The following PIK3C3 variants were observed in gnomAD, a reference collection of about 807,000 sequenced individuals.
The protein encoded by PIK3C3 is PI3-kinase type 3.
In PIK3C3, 95 loss-of-function variants were observed where a neutral mutation model predicts 126.1. The ratio of observed to expected loss-of-function variants is 0.75; its 90% CI spans 0.64 to 0.89. PIK3C3 has a LOEUF of 0.89. Among genes scored for constraint, PIK3C3 ranks in the 40% least tolerant of loss-of-function variants. The pLI is 0.00. For synonymous variants in PIK3C3, 374 were observed against 360.0 expected, an observed-to-expected ratio of 1.04 and a Z score of -0.44; for missense variants, 829 against 1,063.2, an observed-to-expected ratio of 0.78 and a Z score of 3.06.
chr18:41,969,063 C>T (rs2144309020), intron 3 of PIK3C3, among the ~76,000 whole-genome samples: 1 of 151,958 alleles, frequency 6.6e-6, no homozygotes, highest in East Asian at 1.9e-4. Context: ...AAGTGGTCTG[C>T]CTGCCTCAGC....
intron 22 of PIK3C3, among the ~76,000 whole-genome samples, chr18:42,058,601 T>C (rs981356675): frequency 1.3e-5 from 2 of 152,248 alleles, no homozygotes; most frequent in African/African-American, 4.8e-5. Context: ...AAATGTTAAA[T>C]ATGATTTTTA....
At chr18:42,080,701 A>G (rs978258355) in intron 24 of PIK3C3, among the ~76,000 whole-genome samples, 1 of 152,174 alleles carries the variant, frequency 6.6e-6, no homozygotes, top group Non-Finnish European at 1.5e-5. Context: ...TCTGGAATGA[A>G]GTAGTTGCAC....
intron 24 of PIK3C3, among the ~76,000 whole-genome samples, chr18:42,068,989 G>C (rs114939843): frequency 0.011 from 1,587 of 150,956 alleles, 21 homozygotes; most frequent in African/African-American, 0.036. Flanking sequence ...TTTAGATTCC[G>C]TTATAACTCT....
chr18:42,049,507 T>G (rs772288378), intron 20 of PIK3C3, 24 bp from the exon 21 acceptor site: 1 of 1,588,360 alleles, frequency 6.3e-7, no homozygotes, highest in Admixed American at 1.7e-5. Flanking sequence ...TGTTTTCACA[T>G]ATTTTTTTTA....
intron 12 of PIK3C3, among the ~76,000 whole-genome samples, chr18:42,017,442 G>C (rs1214228618): frequency 6.6e-6 from 1 of 152,100 alleles, no homozygotes; most frequent in Non-Finnish European, 1.5e-5. Context: ...GTTGGGTATA[G>C]CATTATACAT....
At chr18:41,955,732 A>G (rs1979736841) in intron 1 of PIK3C3, among the ~76,000 whole-genome samples, 1 of 152,186 alleles carries the variant, frequency 6.6e-6, no homozygotes, top group Non-Finnish European at 1.5e-5. Flanking sequence ...CGGGGCTTGT[A>G]GGGTGGAATG....
rs1280258087 is a variant in PIK3C3, at chr18:41,987,891, T to A, written c.611T>A (p.Ile204Lys). The change falls in exon 5 of 25, where the codon ATA becomes AAA. Residue 204 changes from isoleucine (I) to lysine (K), a missense_variant. Around this residue, in one of 4 missense-constraint regions of PIK3C3, gnomAD observed 313 missense variants for 340.7 expected, o/e 0.92. Transcript: ENST00000262039. Reference sequence around the variant, plus strand: ...TTGACATTTAGAGAAATAGAAATGATAAATGAGGTGGGTTATATCACTCTT... The same window carrying A: ...TTGACATTTAGAGAAATAGAAATGAAAAATGAGGTGGGTTATATCACTCTT... ...DRLTFREIEM[I>K]NESEKRSSNF... is the part of the protein sequence containing the mutation. 1 of 1,561,976 alleles carries A rather than the reference T, an allele frequency of 6.4e-7. No homozygotes were observed. The highest frequency in any genetic ancestry group is 1.2e-5 in the South Asian group (1 of 86,612).
At chr18:41,986,397 G>A (rs958794226) in intron 4 of PIK3C3, among the ~76,000 whole-genome samples, 1 of 152,018 alleles carries the variant, frequency 6.6e-6, no homozygotes, top group East Asian at 1.9e-4. Flanking sequence ...AGCATATTGC[G>A]AAGTGAGTAA....
At chr18:41,985,989 C>T (rs1007021715) in intron 4 of PIK3C3, among the ~76,000 whole-genome samples, 2 of 152,080 alleles carry the variant, frequency 1.3e-5, no homozygotes, top group Non-Finnish European at 2.9e-5. Context: ...AGGAAATTAG[C>T]AGTGGATCAA....
Position 42,067,448 on chromosome 18 carries a change from CTGAT to C in PIK3C3, c.2589_2592del (p.Ile863MetfsTer37), listed in dbSNP as rs1163124696. 6.2e-7 allele frequency: 1 copy of C among 1,613,876 alleles called. No individual in the cohort carries two copies. The highest frequency in any genetic ancestry group is 8.5e-7 in the Non-Finnish European group (1 of 1,179,884). The stretch of plus-strand genomic sequence containing the variant: ...AGAGGCTGTGCATTACATGCAGAGT[CTGAT>C]TGATGAGAGTGTCCATGCTCTTTTT... On this transcript the variant is annotated frameshift_variant, in exon 24 of 25. Transcript: ENST00000262039. LOFTEE classifies it high-confidence loss of function.
chr18:42,033,831 G>A lies in PIK3C3; in HGVS notation c.1713G>A (p.Glu571=). Residue 571 remains glutamate, a synonymous_variant, in exon 16 of 25, where the codon GAG becomes GAA. Coordinates refer to ENST00000262039, the MANE Select transcript of PIK3C3 (RefSeq NM_002647.4). ...RESGNRKKKN[E]RLQALLGDNE... is the part of the protein sequence containing the mutation. ...TCCTTTCTGATTTGTTCTAGAATGA[G>A]AGACTACAGGCATTGCTTGGAGATA... 2 of 1,598,186 alleles carry A rather than the reference G, an allele frequency of 1.3e-6. No homozygotes were observed. Among genetic ancestry groups the A allele is most frequent in the Non-Finnish European group, 1.7e-6 (2 of 1,171,268 alleles).
chr18:42,057,104 G>A (rs500086), intron 21 of PIK3C3, among the ~76,000 whole-genome samples: 72,348 of 145,054 alleles, frequency 0.5, 19,262 homozygotes, highest in African/African-American at 0.71. Flanking sequence ...TATGTACAAC[G>A]TGAAACCTCA....
intron 20 of PIK3C3, among the ~76,000 whole-genome samples, chr18:42,048,301 C>T (rs1351046420): frequency 1.3e-5 from 2 of 152,164 alleles, no homozygotes; most frequent in African/African-American, 2.4e-5. Context: ...TTGCCCTTTT[C>T]CTTATGGTCT....
intron 10 of PIK3C3, among the ~76,000 whole-genome samples, chr18:42,006,263 C>T (rs1287758648): frequency 1.3e-5 from 2 of 151,316 alleles, no homozygotes; most frequent in Non-Finnish European, 2.9e-5. Context: ...GCTTCTGTCC[C>T]CATGGAGTTT....
In PIK3C3 at chr18:42,013,719, G is replaced by C; in HGVS notation, c.1325+123G>C. 3 of 698,336 alleles carry C rather than the reference G, an allele frequency of 4.3e-6. No individual in the cohort carries two copies. In the East Asian group the frequency reaches 8.3e-5, roughly 19 times the overall value. 43.3% of individuals were successfully genotyped at this position (698,336 alleles called of 1,614,324 possible). On this transcript the variant is annotated intron_variant, in intron 11 of 24. Coordinates refer to ENST00000262039, the MANE Select transcript of PIK3C3 (RefSeq NM_002647.4). ...TGTTACTAATTTTGAAGTTTTACTA[G>C]TGAATATTGCATGTGTACTCACAGC...
At chr18:41,986,040 C>G (rs1405847330) in intron 4 of PIK3C3, among the ~76,000 whole-genome samples, 1 of 152,066 alleles carries the variant, frequency 6.6e-6, no homozygotes. Context: ...CGAGAAACGA[C>G]AGAATTGAGT....
rs548042332 is a variant in PIK3C3 at position 42,087,406 on chromosome 18, G to T, written c.*6269G>T. On this transcript the variant is annotated 3_prime_UTR_variant, in exon 25 of 25. Transcript: ENST00000262039. ...CGCCCCACCCTAATCTTATGCAAAT[G>T]GGCTTTCCAGTTGATTGGGTCCATC... The T allele has an allele frequency of 6.6e-6, 1 of 152,286 alleles. No homozygotes were observed. The highest frequency in any genetic ancestry group is 2.4e-5 in the African/African-American group (1 of 41,560). 9.4% of individuals were successfully genotyped at this position (152,286 alleles called of 1,614,324 possible). A position where few individuals can be genotyped will look rare whatever the true frequency, so the allele number is the denominator to read the frequency against.
intron 3 of PIK3C3, among the ~76,000 whole-genome samples, chr18:41,967,800 TA>T (rs1293912425): frequency 6.6e-6 from 1 of 152,202 alleles, no homozygotes; most frequent in African/African-American, 2.4e-5. Context: ...TTGTTTTTTC[TA>T]AATGTGAATC....
At chr18:42,067,282 A>AGGAATAGC in intron 23 of PIK3C3, 106 bp from the exon 24 acceptor site, 1 of 964,434 alleles carries the variant, frequency 1.0e-6, no homozygotes, top group Non-Finnish European at 1.6e-6. Flanking sequence ...TATTTGCCAT[A>AGGAATAGC]GGAATAGCTC....
Sources: gnomAD v4.1 joint callset for allele counts (sites outside exome capture counted in the v4.1 genomes callset) on GRCh38, gnomAD v4.1.1 for gene constraint, gnomAD v4.1.1 regional missense constraint, MANE v1.5 for transcripts, NCBI Gene and HGNC (gene_info 2026-07-23, HGNC 2026-07-21) for gene names.